Variants in UBXN2A observed in about 807,000 individuals in gnomAD.
The protein encoded by UBXN2A is UBX domain-containing protein 2A.
In UBXN2A, 28 loss-of-function variants were observed where a neutral mutation model predicts 28.4. That is an observed-to-expected ratio of 0.99 (90% CI 0.73 to 1.35). The LOEUF is 1.35. Ranked by LOEUF, UBXN2A falls within the 40% of genes most tolerant of loss-of-function variation. The probability of loss-of-function intolerance (pLI) is 0.00; values close to 1 mark genes in which losing one functional copy is unlikely to be tolerated. For synonymous variants in UBXN2A, 97 were observed against 103.6 expected, an observed-to-expected ratio of 0.94 and a Z score of 0.39; for missense variants, 253 against 297.9, an observed-to-expected ratio of 0.85 and a Z score of 1.11.
At chr2:23,958,713 C>T (rs12623496) in intron 2 of UBXN2A, among the ~76,000 whole-genome samples, 18,560 of 152,114 alleles carry the variant, frequency 0.12, 1,218 homozygotes, top group Middle Eastern at 0.21. Flanking sequence ...GCTTGAATCC[C>T]GTCTCTGCCT....
intron 4 of UBXN2A, among the ~76,000 whole-genome samples, chr2:23,979,176 C>T (rs1351889935): frequency 6.6e-6 from 1 of 151,840 alleles, no homozygotes; most frequent in Non-Finnish European, 1.5e-5. Context: ...AACCCCATCT[C>T]TACTAAAAAA....
At chr2:23,997,786 GT>G (rs575680512) in intron 6 of UBXN2A, among the ~76,000 whole-genome samples, 147 of 146,660 alleles carry the variant, frequency 1.0e-3, no homozygotes, top group Middle Eastern at 7.6e-3. Flanking sequence ...GATTTTATTA[GT>G]TTTGCCAGAA....
chr2:23,976,901 T>C, intron 3 of UBXN2A, 68 bp from the exon 4 acceptor site: 1 of 1,383,860 alleles, frequency 7.2e-7, no homozygotes, highest in Non-Finnish European at 1.0e-6. Flanking sequence ...TAGAAGAAAT[T>C]TTCAAAGGAC....
chr2:23,983,082 A>G, intron 5 of UBXN2A, 49 bp downstream of exon 5: 1 of 1,480,480 alleles, frequency 6.8e-7, no homozygotes, highest in Non-Finnish European at 9.0e-7. Context: ...CTTAACTAAT[A>G]TTCTGTCTAT....
chr2:23,976,676 C>T (rs114237331), intron 3 of UBXN2A, among the ~76,000 whole-genome samples: 9,823 of 152,218 alleles, frequency 0.065, 408 homozygotes, highest in African/African-American at 0.12. Context: ...GTCCCTCCCA[C>T]AACACACGGG....
chr2:23,951,184 G>T (rs1253380720), intron 1 of UBXN2A, among the ~76,000 whole-genome samples: 1 of 151,664 alleles, frequency 6.6e-6, no homozygotes, highest in East Asian at 1.9e-4. Flanking sequence ...AACTGTAGGA[G>T]ATTATTTTGA....
At chr2:23,966,410 C>T (rs1167431346) in intron 2 of UBXN2A, among the ~76,000 whole-genome samples, 1 of 151,416 alleles carries the variant, frequency 6.6e-6, no homozygotes, top group African/African-American at 2.4e-5. Context: ...GCTAGGATTA[C>T]AGGCGTGAGC....
At chr2:23,982,870 A>C in intron 4 of UBXN2A, 26 bp from the exon 5 acceptor site, 2 of 1,576,372 alleles carry the variant, frequency 1.3e-6, no homozygotes, top group Non-Finnish European at 1.7e-6. Flanking sequence ...TGGGAGCTTT[A>C]TCATTTTCTT....
At chr2:23,942,370 A>T (rs1705805625) in intron 1 of UBXN2A, among the ~76,000 whole-genome samples, 1 of 151,610 alleles carries the variant, frequency 6.6e-6, no homozygotes, top group African/African-American at 2.4e-5. Flanking sequence ...TGTGGAAAGC[A>T]AAAGGGTGCT....
At chr2:23,995,442 A>G (rs1204297464) in intron 6 of UBXN2A, among the ~76,000 whole-genome samples, 1 of 152,130 alleles carries the variant, frequency 6.6e-6, no homozygotes, top group African/African-American at 2.4e-5. Context: ...GCATTTACCC[A>G]GCACTTTGGG....
intron 1 of UBXN2A, among the ~76,000 whole-genome samples, chr2:23,945,830 CT>C (rs796764799): frequency 2.2e-3 from 303 of 138,616 alleles, no homozygotes; most frequent in Middle Eastern, 3.5e-3. Context: ...TTTTTCTTCT[CT>C]TTTTTTTTTT....
upstream of UBXN2A, among the ~76,000 whole-genome samples, chr2:23,936,997 C>G (rs1705549779): frequency 6.6e-6 from 1 of 152,096 alleles, no homozygotes; most frequent in East Asian, 1.9e-4. Flanking sequence ...AGGCATGAGC[C>G]ACCGTGCCCG....
At chr2:23,963,496 G>A (rs1411507729) in intron 2 of UBXN2A, among the ~76,000 whole-genome samples, 1 of 150,748 alleles carries the variant, frequency 6.6e-6, no homozygotes, top group Non-Finnish European at 1.5e-5. Flanking sequence ...AGAGAAAAGT[G>A]GAAAAAAAGT....
intron 4 of UBXN2A, among the ~76,000 whole-genome samples, chr2:23,981,303 C>CA (rs34236089): frequency 0.01 from 698 of 69,364 alleles, 9 homozygotes; most frequent in African/African-American, 0.028. Flanking sequence ...CCTGTCTCTA[C>CA]AAAAAAAAAA....
At chr2:23,948,896 C>G (rs1706223514) in intron 1 of UBXN2A, among the ~76,000 whole-genome samples, 2 of 149,872 alleles carry the variant, frequency 1.3e-5, no homozygotes, top group African/African-American at 4.9e-5. Flanking sequence ...GAACAATAAC[C>G]TATTACTGGA....
Position 23,944,190 on chromosome 2 carries a change from A to G in UBXN2A, c.-15+3542A>G, listed in dbSNP as rs1281117098. 3.5e-6 allele frequency: 5 copies of G among 1,430,856 alleles called. No individual in the cohort carries two copies. The East Asian group carries it at 9.4e-5, about 27-fold the overall frequency. 88.6% of individuals were successfully genotyped at this position (1,430,856 alleles called of 1,614,324 possible). A position where few individuals can be genotyped will look rare whatever the true frequency, so the allele number is the denominator to read the frequency against. On this transcript the variant is annotated intron_variant, in intron 1 of 6. Transcript: ENST00000309033. ...TCTGGGGCCAGCACTGATGGACACAACTAAGTTTGCACTCGTCTTCCCTCT... is the reference window on the plus strand; with the variant it reads ...TCTGGGGCCAGCACTGATGGACACAGCTAAGTTTGCACTCGTCTTCCCTCT...
At chr2:23,960,577 C>T (rs1345780616) in intron 2 of UBXN2A, among the ~76,000 whole-genome samples, 1 of 152,090 alleles carries the variant, frequency 6.6e-6, no homozygotes, top group African/African-American at 2.4e-5. Flanking sequence ...AAAGAGAAAC[C>T]CCATATCCAT....
At chr2:23,967,724 A>G (rs536660617) in intron 2 of UBXN2A, among the ~76,000 whole-genome samples, 1 of 152,322 alleles carries the variant, frequency 6.6e-6, no homozygotes, top group African/African-American at 2.4e-5. Context: ...GAAAATCACT[A>G]GTGTTATAAG....
At chr2:23,955,183 G>A (rs139087264) in intron 1 of UBXN2A, among the ~76,000 whole-genome samples, 12,106 of 151,898 alleles carry the variant, frequency 0.08, 626 homozygotes, top group South Asian at 0.15. Context: ...CGCCCACCTC[G>A]GCCTCCCAAA....
Sources: gnomAD v4.1 joint callset for allele counts (sites outside exome capture counted in the v4.1 genomes callset) on GRCh38, gnomAD v4.1.1 for gene constraint, MANE v1.5 for transcripts, NCBI Gene and HGNC (gene_info 2026-07-23, HGNC 2026-07-21) for gene names.